MYL5: variants seen among roughly 807,000 people sequenced by gnomAD.
The protein encoded by MYL5 is myosin regulatory light chain 5.
Under a neutral mutation model 20.8 loss-of-function variants are expected in MYL5, and 28 were observed. The observed-to-expected ratio is 1.35, with a 90% CI of 1.00 to 1.84. The LOEUF is 1.84. Ranked by LOEUF, MYL5 falls within the 40% of genes most tolerant of loss-of-function variation. MYL5 has a pLI of 0.00. For missense variants in MYL5, 274 were observed against 227.3 expected, an observed-to-expected ratio of 1.21 and a Z score of -1.32; for synonymous variants, 118 against 87.4, an observed-to-expected ratio of 1.35 and a Z score of -1.95.
intron 2 of MYL5, 30 bp from the exon 5 acceptor site, chr4:678,928 C>T: frequency 6.2e-7 from 1 of 1,612,700 alleles, no homozygotes; most frequent in Non-Finnish European, 8.5e-7. Flanking sequence ...GCCGGGTTGG[C>T]AGCACAGCAG....
At chr4:677,731 T>A (rs1363967257), upstream of MYL5, among the ~76,000 whole-genome samples, 1 of 152,016 alleles carries the variant, frequency 6.6e-6, no homozygotes, top group African/African-American at 2.4e-5. Flanking sequence ...ACACACAGAA[T>A]CCTTGGGAGA....
chr4:677,755 G>A (rs768632000), upstream of MYL5, among the ~76,000 whole-genome samples: 1 of 152,152 alleles, frequency 6.6e-6, no homozygotes, highest in African/African-American at 2.4e-5. Context: ...AAGCCTCCCC[G>A]GGGTTCGGGG....
chr4:678,370 A>G, intron 1 of MYL5: 1 of 1,412,614 alleles, frequency 7.1e-7, no homozygotes, highest in Non-Finnish European at 9.2e-7. Flanking sequence ...TCAGAGGCCA[A>G]GCTGGCTCCT....
chr4:681,156 T>C lies in MYL5; in HGVS notation c.420+16T>C, dbSNP rs2109358817. The stretch of plus-strand genomic sequence containing the variant: ...GGCGGAAGAGGTCTGGCCCGCGGCT[T>C]CCCTGCCAAGCCCACGAGGGGAGGG... On this transcript the variant is annotated intron_variant, in intron 6 of 6. Coordinates refer to ENST00000400159, the Ensembl canonical transcript of MYL5. 6.2e-7 allele frequency: 1 copy of C among 1,600,528 alleles called. No homozygotes were observed. The highest frequency in any genetic ancestry group is 8.5e-7 in the Non-Finnish European group (1 of 1,174,568).
At chr4:680,076 C>A in intron 4 of MYL5, 58 bp downstream of exon 6, 1 of 1,387,468 alleles carries the variant, frequency 7.2e-7, no homozygotes, top group Non-Finnish European at 1.0e-6. Flanking sequence ...GTTAGAGATC[C>A]GGACATTTCA....
intron 4 of MYL5, 63 bp from the exon 7 acceptor site, chr4:680,446 T>G: frequency 2.6e-6 from 4 of 1,539,036 alleles, no homozygotes; most frequent in Non-Finnish European, 2.7e-6. Flanking sequence ...TCCTGCCATC[T>G]GCCCTTGGCA....
Position 678,772 on chromosome 4 carries a change from C to T in MYL5, c.111+7C>T, listed in dbSNP as rs946791344. On this transcript the variant is annotated splice_region_variant and intron_variant, in intron 2 of 6. Transcript: ENST00000400159. ...GATCCAGGAGTTCAAGGAGGTGAGA[C>T]TTTCCTGCTTCACTGGGAGCCCCCA... The T allele has an allele frequency of 3.7e-6, 6 of 1,608,836 alleles. No homozygotes were observed. The highest frequency in any genetic ancestry group is 5.1e-6 in the Non-Finnish European group (6 of 1,177,798).
At chr4:677,951 G>A in exon 1 of MYL5, 1 of 1,612,210 alleles carries the variant, frequency 6.2e-7, no homozygotes, top group South Asian at 1.1e-5. Context: ...GAACTGTCCT[G>A]GGGGACCAAG....
rs778732180 is a variant in MYL5 at position 680,583 on chromosome 4, G to C, written c.367G>C (p.Glu123Gln). The C allele has an allele frequency of 4.3e-6, 7 of 1,612,722 alleles. No homozygotes were observed. In the Admixed American group the frequency reaches 6.7e-5, roughly 15 times the overall value. ...GGACGGGAAAGGGAAAATCAACAAG[G>C]AGTAGTGAGTGCCCGGGCGGCCAGG... Residue 123 changes from glutamate to glutamine, a missense_variant, in exon 5 of 7, where the codon GAG (glutamate) becomes CAG (glutamine). Transcript: ENST00000400159.
chr4:679,228 G>T (rs1560153748), intron 3 of MYL5, 195 bp downstream of exon 5: 1 of 697,228 alleles, frequency 1.4e-6, no homozygotes, highest in Non-Finnish European at 2.6e-6. Flanking sequence ...GCATCCCAGG[G>T]TGAGACAGGG....
chr4:677,387 A>T (rs996596417), upstream of MYL5, among the ~76,000 whole-genome samples: 1 of 152,150 alleles, frequency 6.6e-6, no homozygotes, highest in Admixed American at 6.5e-5. Flanking sequence ...AGGGCCCTAG[A>T]GTCCCCCTCC....
chr4:680,752 C>G, intron 5 of MYL5, 165 bp downstream of exon 7: 1 of 733,102 alleles, frequency 1.4e-6, no homozygotes, highest in South Asian at 1.8e-5. Context: ...GAGTGGGAGG[C>G]CAGCCCTGCT....
At chr4:680,167 A>G in intron 4 of MYL5, 149 bp downstream of exon 6, 1 of 777,888 alleles carries the variant, frequency 1.3e-6, no homozygotes, top group Non-Finnish European at 2.0e-6. Flanking sequence ...GGGCCCCGTC[A>G]GCCACCCCAG....
At chr4:674,574 C>T (rs1227041882), upstream of MYL5, 3 of 423,830 alleles carry the variant, frequency 7.1e-6, no homozygotes, top group African/African-American at 6.4e-5. Flanking sequence ...CCGCTGTTTC[C>T]CCGCGCTGCT....
chr4:676,760 G>A (rs1738881981), upstream of MYL5: 1 of 381,158 alleles, frequency 2.6e-6, no homozygotes, highest in Non-Finnish European at 3.6e-6. Context: ...CCACTGGACT[G>A]GCAGCAGGGG....
At chr4:676,975 G>A (rs913389015), upstream of MYL5, 10 of 969,216 alleles carry the variant, frequency 1.0e-5, no homozygotes, top group Admixed American at 6.2e-5. Context: ...CCCTCAGGGG[G>A]TAGGACCTCT....
At chr4:679,976 A>C (rs747296577) in exon 4 of MYL5, 8 of 1,613,456 alleles carry the variant, frequency 5.0e-6, no homozygotes, top group Middle Eastern at 1.6e-4. Flanking sequence ...GGGGCCCATC[A>C]ACTTCACCAT....
At chr4:678,662 G>A (rs1739108550) in exon 2 of MYL5, 2 of 1,606,700 alleles carry the variant, frequency 1.2e-6, no homozygotes, top group Non-Finnish European at 1.7e-6. Context: ...CCGCAGGCCA[G>A]CAGGAAGACC....
upstream of MYL5, chr4:674,587 C>A (rs986863216): frequency 1.8e-5 from 7 of 393,854 alleles, no homozygotes; most frequent in African/African-American, 8.7e-5. Flanking sequence ...GCGCTGCTGC[C>A]GAGGCCCCGC....
Sources: gnomAD v4.1 joint callset for allele counts (sites outside exome capture counted in the v4.1 genomes callset) on GRCh38, gnomAD v4.1.1 for gene constraint, MANE v1.5 for transcripts, NCBI Gene and HGNC (gene_info 2026-07-23, HGNC 2026-07-21) for gene names.